Variants in ST3GAL6 observed in about 807,000 individuals in gnomAD.
The protein encoded by ST3GAL6 is type 2 lactosamine alpha-2,3-sialyltransferase.
In ST3GAL6, 31 loss-of-function variants were observed where a neutral mutation model predicts 40.5. The observed-to-expected ratio is 0.77, with a 90% CI of 0.58 to 1.03. The LOEUF (loss-of-function observed/expected upper bound fraction) is 1.03. Ranked by LOEUF, ST3GAL6 falls within the 50% of genes least tolerant of loss-of-function variation. ST3GAL6 has a pLI of 0.00. For missense variants in ST3GAL6, 357 were observed against 393.2 expected (o/e 0.91, Z 0.78); for synonymous variants, 129 against 136.9 (o/e 0.94, Z 0.40).
At chr3:98,774,287 C>T (rs278376) in intron 5 of ST3GAL6, among the ~76,000 whole-genome samples, 49,783 of 152,024 alleles carry the variant, frequency 0.33, 9,332 homozygotes, top group East Asian at 0.74. Flanking sequence ...AGTTCACCCC[C>T]TGCTAATCAG....
chr3:98,792,831 T>C (rs932721311), intron 9 of ST3GAL6, among the ~76,000 whole-genome samples: 8 of 152,250 alleles, frequency 5.3e-5, no homozygotes, highest in African/African-American at 1.4e-4. Context: ...GGATTTGTAA[T>C]TTACTTGACT....
At chr3:98,732,983 C>T (rs371182424) in intron 1 of ST3GAL6, 2 of 1,490,952 alleles carry the variant, frequency 1.3e-6, no homozygotes, top group Admixed American at 2.1e-5. Context: ...TCTTGCCGGC[C>T]GGCTTCGCTG....
Position 98,785,009 on chromosome 3 carries a change from G to GA in ST3GAL6, c.406dup (p.Ile136AsnfsTer5), listed in dbSNP as rs375114216. The GA allele has an allele frequency of 7.4e-6, 11 of 1,486,584 alleles. No individual in the cohort carries two copies. In the African/African-American group the frequency reaches 8.5e-5, roughly 11 times the overall value. 92.1% of individuals were successfully genotyped at this position (1,486,584 alleles called of 1,614,324 possible). ...AGTTTTGAAGAATAAGACATTAGGA[G>GA]AAAAAATCGACTCCTATGATGTAAT... On this transcript the variant is annotated frameshift_variant, in exon 6 of 10. Coordinates refer to ENST00000483910, the MANE Select transcript of ST3GAL6 (RefSeq NM_001323368.2). LOFTEE classifies it high-confidence loss of function.
At chr3:98,760,457 A>G (rs1378100746), upstream of ST3GAL6, among the ~76,000 whole-genome samples, 2 of 152,250 alleles carry the variant, frequency 1.3e-5, no homozygotes, top group Non-Finnish European at 2.9e-5. Context: ...ACAGTGTAAC[A>G]GCTCCTTCAC....
intron 1 of ST3GAL6, among the ~76,000 whole-genome samples, chr3:98,755,418 T>TA (rs997838889): frequency 6.6e-6 from 1 of 152,182 alleles, no homozygotes; most frequent in African/African-American, 2.4e-5. Flanking sequence ...GCTTAAAAGA[T>TA]AAGAGTTATT....
rs772299541 is a variant in ST3GAL6 at position 98,732,658 on chromosome 3, C to G, written c.-12+126C>G. ...CGGCCACCGTGCAACTGGCGCCAGC[C>G]GCGGAGCAGGAGGAGCTTCCCGCGA... is the stretch of plus-strand genomic sequence containing the variant. On this transcript the variant is annotated intron_variant, in intron 1 of 9. Transcript: ENST00000265261. The G allele has an allele frequency of 5.8e-6, 3 of 513,834 alleles. No individual in the cohort carries two copies. The South Asian group carries it at 8.9e-5, about 15-fold the overall frequency. 31.8% of individuals were successfully genotyped at this position (513,834 alleles called of 1,614,324 possible).
intron 1 of ST3GAL6, among the ~76,000 whole-genome samples, chr3:98,757,869 T>C (rs1437762062): frequency 6.6e-6 from 1 of 151,876 alleles, no homozygotes; most frequent in Non-Finnish European, 1.5e-5. Context: ...GGAGTCTTGC[T>C]CTGTTGCCCA....
In ST3GAL6 at chr3:98,788,334, T is replaced by C. The variant is rs1314573279; in HGVS notation, c.627T>C (p.Asn209=). The C allele has an allele frequency of 5.0e-6, 8 of 1,607,210 alleles. No homozygotes were observed. The highest frequency in any genetic ancestry group is 2.7e-5 in the African/African-American group (2 of 74,424). ...ATATTTTTTACTTTCAGAACACTAATGGTTTTTGGAAGAAACCAGCCTTAA... is the reference window on the plus strand; with the variant it reads ...ATATTTTTTACTTTCAGAACACTAACGGTTTTTGGAAGAAACCAGCCTTAA... ...ELLMGDKINT[N]GFWKKPALNL... The change falls in exon 8 of 10, where the codon AAT becomes AAC. Residue 209 remains asparagine, a synonymous_variant. Transcript: ENST00000483910.
chr3:98,745,221 A>T (rs1010006029), intron 1 of ST3GAL6, among the ~76,000 whole-genome samples: 4 of 152,044 alleles, frequency 2.6e-5, no homozygotes, highest in African/African-American at 9.7e-5. Context: ...TTTAGTAGAG[A>T]CGGGGTTTCA....
intron 1 of ST3GAL6, chr3:98,756,674 T>A (rs974194620): frequency 1.7e-5 from 13 of 754,998 alleles, no homozygotes; most frequent in Non-Finnish European, 2.1e-5. Flanking sequence ...TGCCTGCTAT[T>A]TTTTTCTCTT....
chr3:98,771,898 T>G (rs1939037712), intron 3 of ST3GAL6, among the ~76,000 whole-genome samples: 1 of 143,938 alleles, frequency 6.9e-6, no homozygotes, highest in Non-Finnish European at 1.5e-5. Flanking sequence ...CAAACACATA[T>G]TTATATAATA....
intron 1 of ST3GAL6, among the ~76,000 whole-genome samples, chr3:98,746,924 T>C (rs1936605154): frequency 6.6e-6 from 1 of 152,192 alleles, no homozygotes; most frequent in African/African-American, 2.4e-5. Context: ...TTCATGTAAG[T>C]AGATCATTGT....
intron 1 of ST3GAL6, chr3:98,732,880 G>A: frequency 3.3e-6 from 5 of 1,512,768 alleles, no homozygotes; most frequent in African/African-American, 1.4e-5. Flanking sequence ...CAGGCGCCGC[G>A]AGAGAGGCAG....
At chr3:98,761,830 A>AAG (rs951586580), upstream of ST3GAL6, among the ~76,000 whole-genome samples, 3 of 152,206 alleles carry the variant, frequency 2.0e-5, no homozygotes, top group African/African-American at 7.2e-5. Flanking sequence ...CCTGAGTCTG[A>AAG]AGAGAGAGCT....
At chr3:98,751,396 T>C (rs1470174151) in intron 1 of ST3GAL6, among the ~76,000 whole-genome samples, 1 of 152,220 alleles carries the variant, frequency 6.6e-6, no homozygotes, top group Non-Finnish European at 1.5e-5. Context: ...TTCTGTCTCA[T>C]GGTGAAGACT....
At chr3:98,744,744 C>G (rs1936407025) in intron 1 of ST3GAL6, among the ~76,000 whole-genome samples, 3 of 145,964 alleles carry the variant, frequency 2.1e-5, no homozygotes. Context: ...CCAAAAATAT[C>G]TTTGATAGGA....
intron 1 of ST3GAL6, among the ~76,000 whole-genome samples, chr3:98,768,109 G>A (rs1938558151): frequency 6.6e-6 from 1 of 152,158 alleles, no homozygotes; most frequent in South Asian, 2.1e-4. Context: ...GAATAGATGT[G>A]TAAAATTTTA....
In ST3GAL6 at chr3:98,767,464, T is replaced by C. The variant is rs1162839272; in HGVS notation, c.-11-966T>C. Among the ~76,000 whole-genome samples, 3 of 152,296 alleles carry C rather than the reference T, an allele frequency of 2.0e-5. No homozygotes were observed. In the South Asian group the frequency reaches 6.2e-4, roughly 32 times the overall value. On this transcript the variant is annotated intron_variant, in intron 1 of 9. Transcript: ENST00000483910. ...CAGGTTCTATACTGCATCGCCATGA[T>C]TGAGGTTAATAGGCATGGATAGGAG...
intron 2 of ST3GAL6, among the ~76,000 whole-genome samples, chr3:98,770,164 T>A (rs1346322211): frequency 2.0e-5 from 3 of 152,242 alleles, no homozygotes; most frequent in Admixed American, 6.5e-5. Flanking sequence ...ATTCTTCACA[T>A]AACTGATGAT....
Sources: gnomAD v4.1 joint callset for allele counts (sites outside exome capture counted in the v4.1 genomes callset) on GRCh38, gnomAD v4.1.1 for gene constraint, MANE v1.5 for transcripts, NCBI Gene and HGNC (gene_info 2026-07-23, HGNC 2026-07-21) for gene names.